The following DAB1 variants were observed in gnomAD, a reference collection of about 807,000 sequenced individuals.
The protein encoded by DAB1 is disabled homolog 1.
In DAB1, 15 loss-of-function variants were observed where a neutral mutation model predicts 64.6. That is an observed-to-expected ratio of 0.23 (90% CI 0.16 to 0.36). DAB1 has a LOEUF of 0.36. DAB1 is among the 10% of genes least tolerant of loss of function. DAB1 has a pLI of 1.00. For synonymous variants in DAB1, 235 were observed against 251.9 expected (o/e 0.93, Z 0.64); for missense variants, 596 against 706.7 (o/e 0.84, Z 1.78).
At chr1:58,399,951 T>C (rs990987676) in intron 3 of DAB1, among the ~76,000 whole-genome samples, 1 of 152,080 alleles carries the variant, frequency 6.6e-6, no homozygotes, top group Non-Finnish European at 1.5e-5. Flanking sequence ...TTTTATTTAG[T>C]AGTCTTTGGT....
At chr1:57,150,547 C>A (rs1659558490) in intron 2 of DAB1, among the ~76,000 whole-genome samples, 1 of 152,120 alleles carries the variant, frequency 6.6e-6, no homozygotes, top group Non-Finnish European at 1.5e-5. Context: ...TTTCAAAAGG[C>A]GTCATATACA....
At chr1:57,729,173 T>C (rs537530707) in intron 6 of DAB1, among the ~76,000 whole-genome samples, 2 of 152,360 alleles carry the variant, frequency 1.3e-5, no homozygotes, top group Admixed American at 1.3e-4. Flanking sequence ...AATGTGGCTT[T>C]AAGGAAGTTT....
chr1:57,470,198 C>T (rs1415620557), intron 7 of DAB1, among the ~76,000 whole-genome samples: 1 of 152,182 alleles, frequency 6.6e-6, no homozygotes, highest in Non-Finnish European at 1.5e-5. Flanking sequence ...AGCTGTTTCA[C>T]TCATGCAAAC....
chr1:57,622,760 A>G (rs1046877853), intron 7 of DAB1, among the ~76,000 whole-genome samples: 23 of 152,174 alleles, frequency 1.5e-4, no homozygotes, highest in Non-Finnish European at 4.4e-5. Context: ...TGAGGACTAG[A>G]TGGGATTTTC....
chr1:58,287,747 C>T (rs1044572734), intron 4 of DAB1, among the ~76,000 whole-genome samples: 10 of 152,014 alleles, frequency 6.6e-5, no homozygotes, highest in Non-Finnish European at 1.3e-4. Flanking sequence ...AAAGTCCAGG[C>T]GTGGTGGCTC....
At chr1:57,665,850 T>TCG (rs10663866) in intron 6 of DAB1, among the ~76,000 whole-genome samples, 1 of 41,304 alleles carries the variant, frequency 2.4e-5, no homozygotes, top group Non-Finnish European at 4.4e-5. Context: ...TTTAATTATC[T>TCG]GTGTGTGTGT....
chr1:58,209,336 T>C lies in DAB1; in HGVS notation n.310-58748A>G, dbSNP rs183038308. On this transcript the variant is annotated intron_variant and non_coding_transcript_variant, in intron 4 of 20. Coordinates refer to the DAB1 transcript ENST00000485760. ...AATCGTCTTTGTTGTAGAACATTTT[T>C]CATGTGACAAACTGAGCTGAGAACT... 1.4e-3 allele frequency among the ~76,000 whole-genome samples: 206 copies of C among 152,328 alleles called. 1 individual carries two copies. Among genetic ancestry groups the C allele is most frequent in the African/African-American group, 4.6e-3 (191 of 41,568 alleles).
At chr1:57,140,972 C>G (rs1658534801) in intron 3 of DAB1, among the ~76,000 whole-genome samples, 1 of 152,112 alleles carries the variant, frequency 6.6e-6, no homozygotes, top group Non-Finnish European at 1.5e-5. Context: ...TCACACAGCA[C>G]AGTACATGCA....
chr1:57,375,592 C>T (rs1241706738), intron 1 of DAB1, among the ~76,000 whole-genome samples: 2 of 152,076 alleles, frequency 1.3e-5, no homozygotes, highest in African/African-American at 2.4e-5. Context: ...AACATAAGGG[C>T]CAGCATTTGA....
intron 7 of DAB1, among the ~76,000 whole-genome samples, chr1:57,547,879 C>A (rs895807138): frequency 1.3e-5 from 2 of 152,098 alleles, no homozygotes; most frequent in Non-Finnish European, 2.9e-5. Flanking sequence ...CTACAATTAT[C>A]CAAAATTGAA....
chr1:57,054,773 C>T (rs952875493), intron 9 of DAB1, among the ~76,000 whole-genome samples: 4 of 152,142 alleles, frequency 2.6e-5, no homozygotes, highest in African/African-American at 2.4e-5. Context: ...CCACGGCACC[C>T]GGCCAGGAAT....
intron 7 of DAB1, among the ~76,000 whole-genome samples, chr1:57,552,084 G>C (rs376615244): frequency 2.1e-4 from 32 of 152,170 alleles, no homozygotes; most frequent in Non-Finnish European, 4.4e-4. Context: ...GCAGTAAGCA[G>C]GGCAGTGCTA....
intron 2 of DAB1, among the ~76,000 whole-genome samples, chr1:57,198,736 T>C (rs1463637815): frequency 2.7e-5 from 4 of 148,688 alleles, no homozygotes; most frequent in African/African-American, 1.0e-4. Flanking sequence ...CCAGAGGAAG[T>C]GACGTGTAAG....
intron 6 of DAB1, among the ~76,000 whole-genome samples, chr1:57,674,460 C>T (rs1646543386): frequency 6.6e-6 from 1 of 152,152 alleles, no homozygotes; most frequent in Admixed American, 6.5e-5. Flanking sequence ...ATTTACTTGT[C>T]CAACTCCTGG....
intron 2 of DAB1, among the ~76,000 whole-genome samples, chr1:58,520,982 C>G (rs923939254): frequency 6.6e-6 from 1 of 152,106 alleles, no homozygotes; most frequent in African/African-American, 2.4e-5. Flanking sequence ...AGAACACCAC[C>G]CGCAATGGCA....
At chr1:57,757,434 G>A (rs936160706) in intron 6 of DAB1, among the ~76,000 whole-genome samples, 3 of 152,012 alleles carry the variant, frequency 2.0e-5, no homozygotes, top group Admixed American at 1.3e-4. Context: ...TCCTCTCTCT[G>A]AAGACTTAAA....
intron 5 of DAB1, among the ~76,000 whole-genome samples, chr1:58,144,184 G>A (rs983670352): frequency 3.3e-5 from 5 of 152,154 alleles, no homozygotes; most frequent in African/African-American, 1.2e-4. Flanking sequence ...CCATTTCTGT[G>A]TATATAAAGG....
rs529410509 is a variant in DAB1, at chr1:57,124,664, T to C, written c.306+11879A>G. Among the ~76,000 whole-genome samples, 5 of 152,322 alleles carry C rather than the reference T, an allele frequency of 3.3e-5. No homozygotes were observed. The South Asian group carries it at 1.0e-3, about 32-fold the overall frequency. ...TTCTTGCAGATTTGCAATCTCCTAATTTTCTAAATAGTTTTTAGAAGTCAA... is the reference window on the plus strand; with the variant it reads ...TTCTTGCAGATTTGCAATCTCCTAACTTTCTAAATAGTTTTTAGAAGTCAA... On this transcript the variant is annotated intron_variant, in intron 4 of 14. Coordinates refer to ENST00000371236, the MANE Select transcript of DAB1 (RefSeq NM_001365792.1).
At chr1:57,983,964 A>G (rs532402302) in intron 5 of DAB1, among the ~76,000 whole-genome samples, 18 of 152,202 alleles carry the variant, frequency 1.2e-4, no homozygotes, top group Non-Finnish European at 2.4e-4. Flanking sequence ...ATGTATAAAA[A>G]CATACACACG....
Sources: allele counts gnomAD v4.1 joint callset (sites outside exome capture counted in the v4.1 genomes callset), GRCh38; gene constraint gnomAD v4.1.1; transcripts MANE v1.5; gene names NCBI Gene and HGNC (gene_info 2026-07-23, HGNC 2026-07-21).